ABCF2: variants seen among roughly 807,000 people sequenced by gnomAD.
ABCF2 encodes ATP binding cassette subfamily F member 2.
In ABCF2, 37 loss-of-function variants were observed where a neutral mutation model predicts 76.9. The observed-to-expected ratio is 0.48, with a 90% CI of 0.37 to 0.63. ABCF2 has a LOEUF of 0.63. Among genes scored for constraint, ABCF2 ranks in the 30% least tolerant of loss-of-function variants. The pLI, the probability that ABCF2 is intolerant of heterozygous loss-of-function variation, is 0.00. For missense variants in ABCF2, 524 were observed against 782.1 expected (o/e 0.67, Z 3.94); for synonymous variants, 299 against 283.7 (o/e 1.05, Z -0.54).
chr7:151,226,065 G>C (rs978633116), intron 2 of ABCF2, among the ~76,000 whole-genome samples: 4 of 152,178 alleles, frequency 2.6e-5, no homozygotes, highest in African/African-American at 9.7e-5. Context: ...TAATAGAGCA[G>C]CAAGGCAGCT....
In ABCF2 at chr7:151,215,781, A is replaced by G. The variant is rs768073492; in HGVS notation, c.1402-49T>C. On this transcript the variant is annotated intron_variant, in intron 12 of 14. Coordinates refer to ENST00000287844, the MANE Select transcript of ABCF2 (RefSeq NM_007189.3). The surrounding 1 kb of genome is among the most constrained non-coding windows in gnomAD (Gnocchi z 4.6). ...CGGGTGTGACTGGCATCCCGCTTCA[A>G]AATAAACCCTACTAGGTAACTTCCT... The G allele has an allele frequency of 3.1e-6, 5 of 1,613,344 alleles. No individual in the cohort carries two copies. In the African/African-American group the frequency reaches 6.7e-5, roughly 22 times the overall value.
chr7:151,215,753 AC>A lies in ABCF2; in HGVS notation c.1402-22del. 6.2e-7 allele frequency: 1 copy of A among 1,614,070 alleles called. No homozygotes were observed. On this transcript the variant is annotated intron_variant, in intron 12 of 14. Transcript: ENST00000287844. The surrounding 1 kb of genome is among the most constrained non-coding windows in gnomAD (Gnocchi z 4.6). Reference sequence around the variant, plus strand: ...AAATGCTACAGGAAAAATGGAAGCCACCCGGGTGTGACTGGCATCCCGCTTC... The same window carrying A: ...AAATGCTACAGGAAAAATGGAAGCCACCGGGTGTGACTGGCATCCCGCTTC...
chr7:151,226,319 C>T lies in ABCF2; in HGVS notation c.140G>A (p.Gly47Asp), dbSNP rs749210403. The change falls in exon 2 of 15, where the codon GGC becomes GAC. Residue 47 changes from glycine to aspartate, a missense_variant. Physicochemically the swap from Gly to Asp is moderately conservative, Grantham distance 94. Around this residue, in one of 2 missense-constraint regions of ABCF2, gnomAD observed 330 missense variants for 433.6 expected, o/e 0.76. Transcript: ENST00000287844. ...CCTCAATTCACCTGTGGTCTCTCTG[C>T]CATTGGCCTCATTCTTCTCTGCCAC... ...PQVAEKNEAN[G>D]RETTEVDLLT... The T allele has an allele frequency of 5.6e-6, 9 of 1,613,940 alleles. No individual in the cohort carries two copies. The South Asian group carries it at 7.7e-5, about 14-fold the overall frequency.
chr7:151,218,544 C>A lies in ABCF2; in HGVS notation c.1227+17G>T. On this transcript the variant is annotated intron_variant, in intron 10 of 14. Transcript: ENST00000287844. ...CTAAGATACACCCCAGCCACCCATG[C>A]CCTGCCCTGAACTTACCCCATCTTT... 1 of 1,609,102 alleles carries A rather than the reference C, an allele frequency of 6.2e-7. No individual in the cohort carries two copies. The highest frequency in any genetic ancestry group is 8.5e-7 in the Non-Finnish European group (1 of 1,175,576).
chr7:151,219,056 C>A lies in ABCF2; in HGVS notation c.1017+8G>T. 1 of 1,614,008 alleles carries A rather than the reference C, an allele frequency of 6.2e-7. No individual in the cohort carries two copies. ...GAGGCCATGAGCCTGACTCTGCAGT[C>A]TCCCTACCTTCATGTGTGCAATCTG... On this transcript the variant is annotated splice_region_variant and intron_variant, in intron 8 of 14. Coordinates refer to ENST00000287844, the MANE Select transcript of ABCF2 (RefSeq NM_007189.3).
At chr7:151,217,007 C>T (rs949430854) in intron 11 of ABCF2, among the ~76,000 whole-genome samples, 3 of 152,220 alleles carry the variant, frequency 2.0e-5, no homozygotes, top group African/African-American at 4.8e-5. Context: ...GGAGCACCTC[C>T]TACCACCACA....
chr7:151,224,689 C>G, intron 3 of ABCF2, 87 bp downstream of exon 3: 2 of 1,295,686 alleles, frequency 1.5e-6, no homozygotes. Flanking sequence ...ATGCTTTGCT[C>G]TGAACACAGT....
intron 7 of ABCF2, among the ~76,000 whole-genome samples, chr7:151,219,664 G>A (rs1449935956): frequency 6.6e-6 from 1 of 152,086 alleles, no homozygotes; most frequent in Non-Finnish European, 1.5e-5. Context: ...CACCAGAAAG[G>A]GCCTAACAAG....
Position 151,218,211 on chromosome 7 carries a change from G to C in ABCF2, c.1228-20C>G, listed in dbSNP as rs1239554368. 3.9e-6 allele frequency: 6 copies of C among 1,526,364 alleles called. No individual in the cohort carries two copies. The highest frequency in any genetic ancestry group is 1.1e-5 in the South Asian group (1 of 89,220). The allele number at this position is 1,526,364 out of a possible 1,614,324, so 94.6% of individuals were successfully genotyped here. On this transcript the variant is annotated intron_variant, in intron 10 of 14. Transcript: ENST00000287844. ...GCAAGGCTGAGGTGGGGATGAGAGA[G>C]ATGTGGACACAAGGCTAGAATACAG...
rs1393368300 is a variant in ABCF2, at chr7:151,212,872, C to A, written c.*1182G>T. 6.1e-6 allele frequency: 1 copy of A among 164,060 alleles called. No homozygotes were observed. Among genetic ancestry groups the A allele is most frequent in the Non-Finnish European group, 1.3e-5 (1 of 79,046 alleles). 10.2% of individuals were successfully genotyped at this position (164,060 alleles called of 1,614,324 possible). Reference sequence around the variant, plus strand: ...GGAATGCAGTGGTGCAATCTCAGCTCACTGCAACCTCCACCTCCTGGGCTC... The same window carrying A: ...GGAATGCAGTGGTGCAATCTCAGCTAACTGCAACCTCCACCTCCTGGGCTC... On this transcript the variant is annotated 3_prime_UTR_variant, in exon 15 of 15. Coordinates refer to ENST00000287844, the MANE Select transcript of ABCF2 (RefSeq NM_007189.3).
In ABCF2 at chr7:151,224,000, C is replaced by A; in HGVS notation, c.482G>T (p.Cys161Phe). 1.2e-6 allele frequency: 2 copies of A among 1,614,126 alleles called. No homozygotes were observed. The highest frequency in any genetic ancestry group is 1.7e-6 in the Non-Finnish European group (2 of 1,179,998). ...CCGCTCTGTGTCGACTTCCATCACA[C>A]AATGCAAGGGTGTCTTGTCACTAGG... ...MPPSDKTPLHCVMEVDTERAM... is the reference protein window; with the variant it reads ...MPPSDKTPLHFVMEVDTERAM... Residue 161 changes from cysteine (C) to phenylalanine (F), a missense_variant, in exon 4 of 15, where the codon TGT (cysteine) becomes TTT (phenylalanine). By Grantham distance (205) the Cys-to-Phe change is radical. This residue lies in a region of ABCF2 where 330 missense variants were observed against 433.6 expected (regional missense o/e 0.76). Coordinates refer to ENST00000287844, the MANE Select transcript of ABCF2 (RefSeq NM_007189.3).
In ABCF2 at chr7:151,215,485, T is replaced by C. The variant is rs1802131418; in HGVS notation, c.1530+119A>G. ...GTAGTAGGTTCTTAGGGGAGTCAAATGGAGGAGACTCTGGTTTGGACAGCT... is the reference window on the plus strand; with the variant it reads ...GTAGTAGGTTCTTAGGGGAGTCAAACGGAGGAGACTCTGGTTTGGACAGCT... On this transcript the variant is annotated intron_variant, in intron 13 of 14. Transcript: ENST00000287844. This position sits in a 1 kb window ranked among gnomAD's most constrained non-coding sequence, Gnocchi z 4.6. The C allele has an allele frequency of 1.6e-6, 2 of 1,274,920 alleles. No homozygotes were observed. Among genetic ancestry groups the C allele is most frequent in the Non-Finnish European group, 2.2e-6 (2 of 913,670 alleles). 79.0% of individuals were successfully genotyped at this position (1,274,920 alleles called of 1,614,324 possible). A position where few individuals can be genotyped will look rare whatever the true frequency, so the allele number is the denominator to read the frequency against.
chr7:151,213,113 A>C lies in ABCF2; in HGVS notation c.*941T>G, dbSNP rs377280023. 9 of 985,448 alleles carry C rather than the reference A, an allele frequency of 9.1e-6. No individual in the cohort carries two copies. In the African/African-American group the frequency reaches 1.6e-4, roughly 17 times the overall value. The allele number at this position is 985,448 out of a possible 1,614,324, so 61.0% of individuals were successfully genotyped here. On this transcript the variant is annotated 3_prime_UTR_variant, in exon 15 of 15. Transcript: ENST00000287844. ...TGCTGTGCAGTTGGGGCAGAACCTCAGATCACAATCAGAAAACCACGCTCC... is the reference window on the plus strand; with the variant it reads ...TGCTGTGCAGTTGGGGCAGAACCTCCGATCACAATCAGAAAACCACGCTCC...
At position 151,226,671 on chromosome 7, in the gene ABCF2, T is replaced by C. The variant is rs1584848504; in HGVS notation, c.-42-171A>G. 68 of 506,292 alleles carry C rather than the reference T, an allele frequency of 1.3e-4. No homozygotes were observed. The East Asian group carries it at 2.4e-3, about 18-fold the overall frequency. The allele number at this position is 506,292 out of a possible 1,614,324, so 31.4% of individuals were successfully genotyped here. On this transcript the variant is annotated intron_variant, in intron 1 of 14. Coordinates refer to ENST00000287844, the MANE Select transcript of ABCF2 (RefSeq NM_007189.3). ...TCAGGGTATCCCAAACCAATGCCGA[T>C]TCTCAGCGGCTCTTCTAATCTTAAC...
Position 151,214,836 on chromosome 7 carries a change from C to G in ABCF2, c.1734+43G>C, listed in dbSNP as rs756318790. 3 of 1,599,866 alleles carry G rather than the reference C, an allele frequency of 1.9e-6. No individual in the cohort carries two copies. The Admixed American group carries it at 5.0e-5, about 27-fold the overall frequency. On this transcript the variant is annotated intron_variant, in intron 14 of 14. Transcript: ENST00000287844. This position sits in a 1 kb window ranked among gnomAD's most constrained non-coding sequence, Gnocchi z 4.9. The stretch of plus-strand genomic sequence containing the variant: ...ATGCCATGACTACCCTACCCAACCC[C>G]CTAGAAGCTCTGCTGTGCCTCACCC...
rs1466097532 is a variant in ABCF2, at chr7:151,221,508, T to C, written c.921+70A>G. ...TGAGCCACCACACCAGCCTTTTTTTTTTTTTTTAAAGAGAATTTCAGAGAA... is the reference window on the plus strand; with the variant it reads ...TGAGCCACCACACCAGCCTTTTTTTCTTTTTTTAAAGAGAATTTCAGAGAA... On this transcript the variant is annotated intron_variant, in intron 7 of 14. Coordinates refer to ENST00000287844, the MANE Select transcript of ABCF2 (RefSeq NM_007189.3). The C allele has an allele frequency of 2.8e-5, 32 of 1,142,048 alleles. 1 individual carries two copies. Among genetic ancestry groups the C allele is most frequent in the Non-Finnish European group, 6.3e-6 (5 of 787,884 alleles). 70.7% of individuals were successfully genotyped at this position (1,142,048 alleles called of 1,614,324 possible). A position where few individuals can be genotyped will look rare whatever the true frequency, so the allele number is the denominator to read the frequency against.
Position 151,214,891 on chromosome 7 carries a change from T to C in ABCF2, c.1722A>G (p.Arg574=). 1.2e-6 allele frequency: 2 copies of C among 1,614,044 alleles called. No homozygotes were observed. Among genetic ancestry groups the C allele is most frequent in the Non-Finnish European group, 1.7e-6 (2 of 1,180,002 alleles). ...GCCAGGGCCTCACCTGCTGAATGAGTCTGAAGTCATGGCTGACCAGCATCA... is the reference window on the plus strand; with the variant it reads ...GCCAGGGCCTCACCTGCTGAATGAGCCTGAAGTCATGGCTGACCAGCATCA... ...GGMMLVSHDF[R]LIQQVAQEIW... The change falls in exon 14 of 15, where the codon AGA becomes AGG. Residue 574 remains arginine (R), a synonymous_variant. Transcript: ENST00000287844. This position sits in a 1 kb window ranked among gnomAD's most constrained non-coding sequence, Gnocchi z 4.9.
In ABCF2 at chr7:151,211,961, A is replaced by G; in HGVS notation, c.*2093T>C. Reference sequence around the variant, plus strand: ...GAAGATCCTACTCATTTTTCAAGTGAGAGCACACCAATTCCACCTTTCTGG... The same window carrying G: ...GAAGATCCTACTCATTTTTCAAGTGGGAGCACACCAATTCCACCTTTCTGG... On this transcript the variant is annotated 3_prime_UTR_variant, in exon 15 of 15. Coordinates refer to ENST00000287844, the MANE Select transcript of ABCF2 (RefSeq NM_007189.3). 3 of 984,758 alleles carry G rather than the reference A, an allele frequency of 3.0e-6. No individual in the cohort carries two copies. Among genetic ancestry groups the G allele is most frequent in the Non-Finnish European group, 3.6e-6 (3 of 829,302 alleles). The allele number at this position is 984,758 out of a possible 1,614,324, so 61.0% of individuals were successfully genotyped here. A position where few individuals can be genotyped will look rare whatever the true frequency, so the allele number is the denominator to read the frequency against.
chr7:151,218,672 T>C (rs1802202048), intron 9 of ABCF2, 22 bp from the exon 10 acceptor site: 2 of 1,613,706 alleles, frequency 1.2e-6, no homozygotes, highest in African/African-American at 2.7e-5. Flanking sequence ...AGAGGGCATT[T>C]ATCAAGTTGG....
Sources: gnomAD v4.1 joint callset for allele counts (sites outside exome capture counted in the v4.1 genomes callset) on GRCh38, gnomAD v4.1.1 for gene constraint, gnomAD v4.1.1 regional missense constraint, Gnocchi (gnomAD v3.1) non-coding constraint, MANE v1.5 for transcripts, NCBI Gene and HGNC (gene_info 2026-07-23, HGNC 2026-07-21) for gene names.